PDE10A: variants seen among roughly 807,000 people sequenced by gnomAD.
PDE10A encodes the protein phosphodiesterase 10A, also known as cAMP and cAMP-inhibited cGMP 3',5'-cyclic phosphodiesterase 10A.
A neutral mutation model predicts 97.7 loss-of-function variants in PDE10A; 39 were observed. That is an observed-to-expected ratio of 0.40 (90% CI 0.31 to 0.52). The LOEUF (loss-of-function observed/expected upper bound fraction) is 0.52. PDE10A is among the 20% of genes least tolerant of loss of function. PDE10A has a pLI of 0.56. For synonymous variants in PDE10A, 371 were observed against 376.8 expected (o/e 0.98, Z 0.18); for missense variants, 731 against 1,047.8 (o/e 0.70, Z 4.17).
At chr6:165,425,530 T>C (rs1011909572) in intron 10 of PDE10A, among the ~76,000 whole-genome samples, 1 of 152,008 alleles carries the variant, frequency 6.6e-6, no homozygotes, top group Non-Finnish European at 1.5e-5. Flanking sequence ...AAAAAGGGAA[T>C]TTCCTCAACC....
chr6:165,582,203 G>A (rs1289099931), intron 1 of PDE10A, among the ~76,000 whole-genome samples: 2 of 152,118 alleles, frequency 1.3e-5, no homozygotes, highest in Admixed American at 6.5e-5. Context: ...CAGAAGTACA[G>A]TGCTAATATT....
At chr6:165,724,994 C>T (rs180691192) in intron 1 of PDE10A, among the ~76,000 whole-genome samples, 2 of 152,162 alleles carry the variant, frequency 1.3e-5, no homozygotes, top group Admixed American at 6.5e-5. Context: ...TGCCCACAGA[C>T]CTAGGTGAGA....
rs1307494606 is a variant in PDE10A, at chr6:165,428,728, A to G, written c.1602-19T>C. 4 of 1,018,090 alleles carry G rather than the reference A, an allele frequency of 3.9e-6. No individual in the cohort carries two copies. The highest frequency in any genetic ancestry group is 4.6e-6 in the Non-Finnish European group (3 of 658,424). 63.1% of individuals were successfully genotyped at this position (1,018,090 alleles called of 1,614,324 possible). On this transcript the variant is annotated intron_variant, in intron 9 of 21. Coordinates refer to ENST00000539869, the MANE Select transcript of PDE10A (RefSeq NM_001385079.1). The stretch of plus-strand genomic sequence containing the variant: ...ATATGTTCTGAAAAAAAGAAACATA[A>G]ATCCTGTAAGTAATTTCATTAGTTC...
At chr6:165,733,873 GA>G (rs5881656) in intron 1 of PDE10A, among the ~76,000 whole-genome samples, 103,172 of 150,360 alleles carry the variant, frequency 0.69, 35,866 homozygotes, top group African/African-American at 0.83. Context: ...GGTCTAGGAA[GA>G]AAAAAAAAAA....
chr6:165,448,448 G>A (rs1365428626), intron 5 of PDE10A, among the ~76,000 whole-genome samples: 1 of 152,124 alleles, frequency 6.6e-6, no homozygotes, highest in African/African-American at 2.4e-5. Flanking sequence ...TGACTGGCCT[G>A]AGCCTACTAC....
chr6:165,773,653 T>G (rs1778080249), intron 1 of PDE10A, among the ~76,000 whole-genome samples: 1 of 152,190 alleles, frequency 6.6e-6, no homozygotes, highest in African/African-American at 2.4e-5. Flanking sequence ...TCACTATTGA[T>G]AAAAGATTAG....
At chr6:165,987,987 G>T, upstream of PDE10A, 1 of 401,872 alleles carries the variant, frequency 2.5e-6, no homozygotes, top group South Asian at 1.8e-5. Context: ...GTGTGTGTGT[G>T]TGTGTGTGTC....
intron 2 of PDE10A, among the ~76,000 whole-genome samples, chr6:165,490,237 A>G (rs1428504897): frequency 6.6e-6 from 1 of 152,246 alleles, no homozygotes; most frequent in Non-Finnish European, 1.5e-5. Context: ...TCAGACTAAC[A>G]GCAGACTTCT....
At chr6:165,895,636 C>A (rs1405022106) in intron 1 of PDE10A, among the ~76,000 whole-genome samples, 2 of 152,216 alleles carry the variant, frequency 1.3e-5, no homozygotes, top group East Asian at 3.9e-4. Flanking sequence ...CTTTCCCTGT[C>A]CTGGCCTTTG....
intron 18 of PDE10A, 150 bp downstream of exon 18, chr6:165,379,044 T>C (rs900012153): frequency 8.8e-6 from 5 of 565,886 alleles, no homozygotes; most frequent in Middle Eastern, 4.7e-4. Flanking sequence ...CTAAAGTAAA[T>C]ATAAACAAGA....
At chr6:165,490,109 A>C (rs1370483417) in intron 2 of PDE10A, among the ~76,000 whole-genome samples, 1 of 152,236 alleles carries the variant, frequency 6.6e-6, no homozygotes, top group Non-Finnish European at 1.5e-5. Context: ...TGAGACATTC[A>C]TTGCAAAAAG....
At chr6:165,554,209 A>G (rs1240740429) in intron 1 of PDE10A, among the ~76,000 whole-genome samples, 1 of 152,212 alleles carries the variant, frequency 6.6e-6, no homozygotes, top group East Asian at 1.9e-4. Context: ...GATACAATCA[A>G]CAAAGTGAAG....
intron 1 of PDE10A, among the ~76,000 whole-genome samples, chr6:165,900,952 C>T (rs1361581117): frequency 1.3e-5 from 2 of 152,206 alleles, no homozygotes. Flanking sequence ...CCTGGGCACT[C>T]TCTTAATGAG....
intron 1 of PDE10A, among the ~76,000 whole-genome samples, chr6:165,569,328 T>C (rs915638668): frequency 6.6e-6 from 1 of 152,194 alleles, no homozygotes; most frequent in African/African-American, 2.4e-5. Context: ...AAACAGCCCA[T>C]GTAACTGCCA....
intron 18 of PDE10A, among the ~76,000 whole-genome samples, chr6:165,353,546 C>T (rs1189949945): frequency 2.6e-5 from 4 of 151,974 alleles, no homozygotes. Context: ...CAATATTATT[C>T]AATGCTGAAA....
chr6:165,856,010 A>T (rs79027708), intron 1 of PDE10A, among the ~76,000 whole-genome samples: 5,316 of 152,236 alleles, frequency 0.035, 132 homozygotes, highest in South Asian at 0.12. Flanking sequence ...TCTTTACTTC[A>T]TGACTCATCA....
intron 1 of PDE10A, among the ~76,000 whole-genome samples, chr6:165,741,380 G>A (rs1021196830): frequency 3.9e-5 from 6 of 152,014 alleles, no homozygotes; most frequent in Non-Finnish European, 8.8e-5. Flanking sequence ...TTACAATTAT[G>A]TTTCCTTGGT....
intron 2 of PDE10A, among the ~76,000 whole-genome samples, chr6:165,527,705 A>T (rs1378605200): frequency 1.8e-4 from 28 of 152,324 alleles, no homozygotes. Flanking sequence ...TGGAAGTGGT[A>T]TATACATGAT....
intron 1 of PDE10A, among the ~76,000 whole-genome samples, chr6:165,712,558 G>T (rs1358153888): frequency 6.6e-6 from 1 of 151,190 alleles, no homozygotes; most frequent in Non-Finnish European, 1.5e-5. Flanking sequence ...CAGCTTTTCT[G>T]CTGTTGAAAG....
Sources: gnomAD v4.1 joint callset for allele counts (sites outside exome capture counted in the v4.1 genomes callset) on GRCh38, gnomAD v4.1.1 for gene constraint, MANE v1.5 for transcripts, NCBI Gene and HGNC (gene_info 2026-07-23, HGNC 2026-07-21) for gene names.